The following STXBP5L variants were observed in gnomAD, a reference collection of about 807,000 sequenced individuals.
STXBP5L encodes syntaxin-binding protein 5-like.
A neutral mutation model predicts 144.5 loss-of-function variants in STXBP5L; 65 were observed. The ratio of observed to expected loss-of-function variants is 0.45; its 90% confidence interval spans 0.37 to 0.55. The LOEUF (loss-of-function observed/expected upper bound fraction) is 0.55. STXBP5L is among the 20% of genes least tolerant of loss of function. STXBP5L has a pLI of 0.00. For missense variants in STXBP5L, 1,298 were observed against 1,405.5 expected (o/e 0.92, Z 1.22); for synonymous variants, 505 against 469.6 (o/e 1.08, Z -0.97).
intron 19 of STXBP5L, among the ~76,000 whole-genome samples, chr3:121,283,312 G>T (rs1256827147): frequency 1.3e-5 from 2 of 151,936 alleles, no homozygotes; most frequent in African/African-American, 4.8e-5. Flanking sequence ...ACAAAAGTCA[G>T]TCTCTATGAA....
chr3:121,079,288 G>A (rs1395890766), intron 5 of STXBP5L, among the ~76,000 whole-genome samples: 3 of 152,230 alleles, frequency 2.0e-5, no homozygotes, highest in African/African-American at 7.2e-5. Flanking sequence ...AACAAAGGCA[G>A]CATTACAACA....
At chr3:121,410,098 C>A (rs890554407) in intron 23 of STXBP5L, among the ~76,000 whole-genome samples, 5 of 151,772 alleles carry the variant, frequency 3.3e-5, no homozygotes, top group African/African-American at 9.7e-5. Context: ...TTCCCCCTTT[C>A]TCAAACTGTT....
intron 3 of STXBP5L, among the ~76,000 whole-genome samples, chr3:120,977,796 A>G (rs983946190): frequency 6.6e-6 from 1 of 152,134 alleles, no homozygotes; most frequent in South Asian, 2.1e-4. Context: ...TTTCTCCTTC[A>G]TTTATGAAGC....
intron 7 of STXBP5L, among the ~76,000 whole-genome samples, chr3:121,122,461 T>C (rs1450326146): frequency 6.6e-6 from 1 of 151,222 alleles, no homozygotes; most frequent in African/African-American, 2.4e-5. Flanking sequence ...GAAAAGAAAA[T>C]GTATACGAAT....
At chr3:121,403,599 G>A (rs1192509225) in intron 22 of STXBP5L, among the ~76,000 whole-genome samples, 2 of 152,064 alleles carry the variant, frequency 1.3e-5, no homozygotes, top group African/African-American at 2.4e-5. Flanking sequence ...GAATAAAACA[G>A]ACAAAAGTCT....
chr3:121,094,334 T>C (rs1180442380), intron 5 of STXBP5L, among the ~76,000 whole-genome samples: 1 of 152,130 alleles, frequency 6.6e-6, no homozygotes, highest in African/African-American at 2.4e-5. Flanking sequence ...CCTTGTCGAC[T>C]TTCTGTCTCG....
At chr3:121,151,687 T>C (rs1216860894) in intron 7 of STXBP5L, among the ~76,000 whole-genome samples, 1 of 152,146 alleles carries the variant, frequency 6.6e-6, no homozygotes, top group Non-Finnish European at 1.5e-5. Flanking sequence ...TATATCATTA[T>C]TTTAACATTG....
chr3:121,313,935 G>C (rs2108519783), intron 19 of STXBP5L, among the ~76,000 whole-genome samples: 1 of 149,626 alleles, frequency 6.7e-6, no homozygotes, highest in African/African-American at 2.5e-5. Flanking sequence ...CGGCCCAGCA[G>C]AAGCGCTCCT....
In STXBP5L at chr3:121,286,850, A is replaced by G. The variant is rs112911701; in HGVS notation, c.2110+6894A>G. ...AACAATGAAAAAAAAAAATGATGGG[A>G]CAGATGGGAAACCTAACAATCACAC... On this transcript the variant is annotated intron_variant, in intron 19 of 26. Coordinates refer to ENST00000471454, the MANE Select transcript of STXBP5L (RefSeq NM_001308330.2). Among the ~76,000 whole-genome samples the G allele has an allele frequency of 2.5e-3, 379 of 152,162 alleles. 2 individuals are homozygous for G. The highest frequency in any genetic ancestry group is 8.6e-3 in the African/African-American group (356 of 41,506).
intron 3 of STXBP5L, among the ~76,000 whole-genome samples, chr3:120,987,698 C>CT (rs1207816284): frequency 6.6e-6 from 1 of 151,604 alleles, no homozygotes; most frequent in Middle Eastern, 3.4e-3. Flanking sequence ...TGATTTTTTC[C>CT]TTTTTTTAAA....
At chr3:121,040,628 G>T (rs986703172) in intron 3 of STXBP5L, among the ~76,000 whole-genome samples, 5 of 151,646 alleles carry the variant, frequency 3.3e-5, no homozygotes, top group Non-Finnish European at 5.9e-5. Context: ...TTTCTTCTTT[G>T]CTACTCAACC....
chr3:121,002,275 T>A (rs940229506), intron 3 of STXBP5L, among the ~76,000 whole-genome samples: 3 of 152,212 alleles, frequency 2.0e-5, no homozygotes, highest in Admixed American at 6.5e-5. Context: ...CTCATTGTTG[T>A]TTTCATTAGT....
intron 9 of STXBP5L, among the ~76,000 whole-genome samples, chr3:121,181,774 A>T (rs964500141): frequency 6.6e-6 from 1 of 151,992 alleles, no homozygotes; most frequent in African/African-American, 2.4e-5. Context: ...AAACAAACAA[A>T]CAAAAAACAA....
At chr3:121,295,556 C>T (rs1337785039) in intron 19 of STXBP5L, among the ~76,000 whole-genome samples, 1 of 152,038 alleles carries the variant, frequency 6.6e-6, no homozygotes, top group Non-Finnish European at 1.5e-5. Flanking sequence ...TCAACAAAAA[C>T]ATACAAAATA....
chr3:121,040,526 G>T (rs191621449), intron 3 of STXBP5L, among the ~76,000 whole-genome samples: 1 of 152,144 alleles, frequency 6.6e-6, no homozygotes, highest in Admixed American at 6.6e-5. Context: ...GTCTCAGATA[G>T]TTTCTTCAAA....
chr3:120,910,403 T>C (rs1708767442), intron 2 of STXBP5L, among the ~76,000 whole-genome samples: 1 of 152,198 alleles, frequency 6.6e-6, no homozygotes, highest in Non-Finnish European at 1.5e-5. Flanking sequence ...AAAGAGAGTT[T>C]CTGGTAGGTA....
intron 17 of STXBP5L, among the ~76,000 whole-genome samples, chr3:121,258,469 G>A (rs1202954344): frequency 6.6e-6 from 1 of 152,050 alleles, no homozygotes; most frequent in African/African-American, 2.4e-5. Context: ...ATAAAAAGAA[G>A]GAAATATGAG....
chr3:121,068,308 A>G (rs2041643630), intron 5 of STXBP5L, among the ~76,000 whole-genome samples: 1 of 152,220 alleles, frequency 6.6e-6, no homozygotes, highest in African/African-American at 2.4e-5. Flanking sequence ...ACCTGGTGAC[A>G]ATATTAGTCT....
At chr3:121,312,279 A>C (rs1227733110) in intron 19 of STXBP5L, among the ~76,000 whole-genome samples, 1 of 151,658 alleles carries the variant, frequency 6.6e-6, no homozygotes, top group Non-Finnish European at 1.5e-5. Context: ...GGACATAGGC[A>C]TGGGCAAGGA....
Sources: allele counts gnomAD v4.1 joint callset (sites outside exome capture counted in the v4.1 genomes callset), GRCh38; gene constraint gnomAD v4.1.1; transcripts MANE v1.5; gene names NCBI Gene and HGNC (gene_info 2026-07-23, HGNC 2026-07-21).